PDE8A: variants seen among roughly 807,000 people sequenced by gnomAD.
The protein encoded by PDE8A is phosphodiesterase 8A, also known as high affinity cAMP-specific and IBMX-insensitive 3',5'-cyclic phosphodiesterase 8A.
PDE8A carries 59 observed loss-of-function variants against 105.0 expected under a neutral mutation model. The ratio of observed to expected loss-of-function variants is 0.56; its 90% CI spans 0.46 to 0.70. PDE8A has a LOEUF of 0.70. Ranked by LOEUF, PDE8A falls within the 30% of genes least tolerant of loss-of-function variation. The pLI is 0.00. For missense variants in PDE8A, 1,014 were observed against 1,045.9 expected, an observed-to-expected ratio of 0.97 and a Z score of 0.42; for synonymous variants, 355 against 371.9, an observed-to-expected ratio of 0.95 and a Z score of 0.52.
chr15:85,013,463 C>T (rs781468149), intron 1 of PDE8A, among the ~76,000 whole-genome samples: 3 of 152,120 alleles, frequency 2.0e-5, no homozygotes, highest in Non-Finnish European at 2.9e-5. Flanking sequence ...AGAAAAGCAA[C>T]AAATTTTTAT....
chr15:85,075,798 T>G, intron 3 of PDE8A, 64 bp from the exon 4 acceptor site: 2 of 857,554 alleles, frequency 2.3e-6, no homozygotes, highest in Non-Finnish European at 3.7e-6. Flanking sequence ...TGTAATTGTT[T>G]AAGTATATTT....
intron 5 of PDE8A, among the ~76,000 whole-genome samples, chr15:85,082,742 A>G (rs1286551638): frequency 2.0e-5 from 3 of 152,224 alleles, no homozygotes; most frequent in Non-Finnish European, 4.4e-5. Context: ...GGTAAAAAGC[A>G]AGGAGCTCTT....
chr15:85,099,293 G>T (rs74027408), intron 9 of PDE8A, among the ~76,000 whole-genome samples: 1 of 152,122 alleles, frequency 6.6e-6, no homozygotes, highest in African/African-American at 2.4e-5. Flanking sequence ...AGCTGCCAGC[G>T]TGAGGCGCAG....
intron 8 of PDE8A, among the ~76,000 whole-genome samples, chr15:85,096,587 C>G (rs2081757572): frequency 6.6e-6 from 1 of 152,196 alleles, no homozygotes; most frequent in South Asian, 2.1e-4. Context: ...TCTGCTGAAG[C>G]CTTCCTTCTA....
chr15:85,010,039 A>G (rs779336351), intron 1 of PDE8A, among the ~76,000 whole-genome samples: 1 of 152,234 alleles, frequency 6.6e-6, no homozygotes, highest in Non-Finnish European at 1.5e-5. Context: ...TACATGCTAT[A>G]TGATTTAGTT....
intron 5 of PDE8A, among the ~76,000 whole-genome samples, chr15:85,078,241 GCAA>G (rs1173505867): frequency 9.0e-6 from 1 of 110,696 alleles, no homozygotes; most frequent in African/African-American, 4.8e-5. Flanking sequence ...CTTCTCAGCA[GCAA>G]CAAGTGGAAA....
rs1194166702 is a variant in PDE8A at position 85,113,423 on chromosome 15, G to T, written c.1161G>T (p.Met387Ile). Residue 387 changes from methionine to isoleucine, a missense_variant, in exon 13 of 22, where the codon ATG becomes ATT. Physicochemically the swap from Met to Ile is conservative, Grantham distance 10. Coordinates refer to ENST00000394553, the MANE Select transcript of PDE8A (RefSeq NM_002605.3). ...CTTCCATGGCCCGGATACATTCCAT[G>T]ACAATTGAGGCGCCCATCACCAAGG... ...RHSSMARIHS[M>I]TIEAPITKVI... is the part of the protein sequence containing the mutation. The T allele has an allele frequency of 6.2e-7, 1 of 1,614,086 alleles. No homozygotes were observed. The highest frequency in any genetic ancestry group is 1.7e-5 in the Admixed American group (1 of 60,012).
At position 85,092,907 on chromosome 15, in the gene PDE8A, CT is replaced by C. The variant is rs769743579; in HGVS notation, c.852+1727del. 1.4e-4 allele frequency among the ~76,000 whole-genome samples: 20 copies of C among 138,800 alleles called. No individual in the cohort carries two copies. In the East Asian group the frequency reaches 3.5e-3, roughly 24 times the overall value. The allele number at this position is 138,800 out of a possible 152,430, so 91.1% of individuals were successfully genotyped here. A position where few individuals can be genotyped will look rare whatever the true frequency, so the allele number is the denominator to read the frequency against. The stretch of plus-strand genomic sequence containing the variant: ...GGAAACATCATCAAATTATTGACCC[CT>C]ATACTGCTTTCCTTTTTTTTTTTTT... On this transcript the variant is annotated intron_variant, in intron 8 of 21. Coordinates refer to ENST00000394553, the MANE Select transcript of PDE8A (RefSeq NM_002605.3).
At chr15:85,038,227 G>A (rs1296340536) in intron 1 of PDE8A, among the ~76,000 whole-genome samples, 1 of 49,814 alleles carries the variant, frequency 2.0e-5, no homozygotes, top group Non-Finnish European at 6.6e-5. Context: ...GTGTGTGTGT[G>A]TGTGTGTGTG....
chr15:85,116,109 A>C lies in PDE8A; in HGVS notation c.1525A>C (p.Thr509Pro). ...DFDIFELEAA[T>P]HNRPLIYLGL... ...TGATATTTTTGAACTGGAGGCTGCC[A>C]CCCACAATAGGTGAGTTCATGCAGA... Residue 509 changes from threonine to proline, a missense_variant, in exon 16 of 22, where the codon ACC becomes CCC. Transcript: ENST00000394553. The C allele has an allele frequency of 6.2e-7, 1 of 1,614,042 alleles. No individual in the cohort carries two copies. The highest frequency in any genetic ancestry group is 8.5e-7 in the Non-Finnish European group (1 of 1,179,948).
At chr15:85,115,066 G>A (rs2082074785) in intron 14 of PDE8A, among the ~76,000 whole-genome samples, 1 of 152,138 alleles carries the variant, frequency 6.6e-6, no homozygotes, top group Admixed American at 6.5e-5. Context: ...AAATGGAGGA[G>A]AAGGACTGAG....
chr15:85,018,822 A>G (rs2080371994), intron 1 of PDE8A, among the ~76,000 whole-genome samples: 1 of 152,184 alleles, frequency 6.6e-6, no homozygotes, highest in African/African-American at 2.4e-5. Flanking sequence ...AATATTTTAA[A>G]TGTATTTTTT....
At chr15:85,079,476 C>T (rs564564711) in intron 5 of PDE8A, among the ~76,000 whole-genome samples, 14 of 152,144 alleles carry the variant, frequency 9.2e-5, no homozygotes, top group African/African-American at 1.9e-4. Context: ...GGAGGGTAAC[C>T]GCTGATAGAA....
At chr15:85,117,117 C>G (rs987552287) in intron 16 of PDE8A, among the ~76,000 whole-genome samples, 1 of 152,190 alleles carries the variant, frequency 6.6e-6, no homozygotes, top group Non-Finnish European at 1.5e-5. Context: ...GGGAAATCCC[C>G]TCATACTTTT....
At position 85,097,967 on chromosome 15, in the gene PDE8A, A is replaced by T. The variant is rs1166789033; in HGVS notation, c.872A>T (p.Tyr291Phe). ...TTATAGGAGTGGCAAGGAATTTACTATGCCAAAAAGAAAAACGGAGATAAT... is the reference window on the plus strand; with the variant it reads ...TTATAGGAGTGGCAAGGAATTTACTTTGCCAAAAAGAAAAACGGAGATAAT... ...RIGKEWQGIYYAKKKNGDNIQ... is the reference protein window; with the variant it reads ...RIGKEWQGIYFAKKKNGDNIQ... Residue 291 changes from tyrosine (Y) to phenylalanine (F), a missense_variant, in exon 9 of 22, where the codon TAT becomes TTT. Transcript: ENST00000394553. The T allele has an allele frequency of 2.5e-6, 4 of 1,584,004 alleles. No homozygotes were observed. The East Asian group carries it at 8.9e-5, about 35-fold the overall frequency.
At chr15:85,136,714 C>A in intron 21 of PDE8A, 51 bp downstream of exon 21, 1 of 1,563,496 alleles carries the variant, frequency 6.4e-7, no homozygotes, top group South Asian at 1.1e-5. Context: ...AATGGGGAAC[C>A]GCGTATGAAA....
chr15:85,129,074 C>T (rs893699495), intron 20 of PDE8A, among the ~76,000 whole-genome samples: 12 of 152,172 alleles, frequency 7.9e-5, no homozygotes, highest in Admixed American at 3.9e-4. Flanking sequence ...TCTTCATGTG[C>T]GGAACCAATC....
chr15:85,046,615 T>C (rs2080891990), intron 1 of PDE8A, among the ~76,000 whole-genome samples: 2 of 152,090 alleles, frequency 1.3e-5, no homozygotes, highest in Admixed American at 6.6e-5. Flanking sequence ...TGTATTCCAG[T>C]GGGAGAAACA....
At chr15:85,000,605 G>A (rs116869510) in intron 1 of PDE8A, among the ~76,000 whole-genome samples, 508 of 152,330 alleles carry the variant, frequency 3.3e-3, no homozygotes, top group Non-Finnish European at 5.6e-3. Flanking sequence ...TTCTTCCAGT[G>A]TGCAGGCCCT....
Sources: gnomAD v4.1 joint callset for allele counts (sites outside exome capture counted in the v4.1 genomes callset) on GRCh38, gnomAD v4.1.1 for gene constraint, MANE v1.5 for transcripts, NCBI Gene and HGNC (gene_info 2026-07-23, HGNC 2026-07-21) for gene names.